VPS35L: variants seen among roughly 807,000 people sequenced by gnomAD.
The protein encoded by VPS35L is VPS35 endosomal protein-sorting factor-like.
A neutral mutation model predicts 133.0 loss-of-function variants in VPS35L; 83 were observed. The ratio of observed to expected loss-of-function variants is 0.62; its 90% CI spans 0.52 to 0.75. The LOEUF is 0.75. Ranked by LOEUF, VPS35L falls within the 30% of genes least tolerant of loss-of-function variation. VPS35L has a pLI of 0.00. For missense variants in VPS35L, 1,083 were observed against 1,206.8 expected (o/e 0.90, Z 1.52); for synonymous variants, 423 against 449.9 (o/e 0.94, Z 0.76).
intron 14 of VPS35L, chr16:19,618,166 C>G (rs1447190179): frequency 6.7e-6 from 1 of 149,244 alleles, no homozygotes; most frequent in Non-Finnish European, 1.5e-5. Context: ...TAAAGAGAGA[C>G]TACAAAACAA....
At chr16:19,618,120 T>G (rs1972957588) in intron 14 of VPS35L, 1 of 146,756 alleles carries the variant, frequency 6.8e-6, no homozygotes, top group South Asian at 2.1e-4. Context: ...CTGTGATAGA[T>G]GAAGCTTTCC....
At chr16:19,665,644 T>C (rs962464857) in intron 26 of VPS35L, among the ~76,000 whole-genome samples, 9 of 152,178 alleles carry the variant, frequency 5.9e-5, no homozygotes, top group Non-Finnish European at 1.3e-4. Context: ...CAAACAGGAG[T>C]GCAGATATCT....
intron 2 of VPS35L, 178 bp from the exon 3 acceptor site, chr16:19,569,246 G>A (rs747633786): frequency 1.2e-4 from 88 of 763,440 alleles, no homozygotes; most frequent in Non-Finnish European, 1.9e-4. Context: ...CTTGACAGTT[G>A]TGATCCTGAG....
At chr16:19,635,145 T>C (rs1420722482) in intron 19 of VPS35L, among the ~76,000 whole-genome samples, 1 of 151,872 alleles carries the variant, frequency 6.6e-6, no homozygotes, top group African/African-American at 2.4e-5. Context: ...TCGAGTCCAG[T>C]GTGGGCAACA....
At chr16:19,603,604 C>T (rs558933354) in intron 9 of VPS35L, among the ~76,000 whole-genome samples, 1 of 152,312 alleles carries the variant, frequency 6.6e-6, no homozygotes, top group East Asian at 1.9e-4. Flanking sequence ...TTTTCAGCAG[C>T]TCCTCCTATG....
intron 6 of VPS35L, 45 bp downstream of exon 6, chr16:19,579,173 C>T: frequency 1.9e-6 from 3 of 1,567,388 alleles, no homozygotes; most frequent in Non-Finnish European, 2.6e-6. Context: ...AGAGCTTTTC[C>T]TTCCTCCTGC....
At chr16:19,674,337 G>A (rs1475305794) in intron 27 of VPS35L, among the ~76,000 whole-genome samples, 1 of 149,762 alleles carries the variant, frequency 6.7e-6, no homozygotes, top group Non-Finnish European at 1.5e-5. Context: ...GACTACAGGC[G>A]CCCACCACCA....
At chr16:19,560,411 A>G (rs1258093174) in intron 1 of VPS35L, among the ~76,000 whole-genome samples, 1 of 152,210 alleles carries the variant, frequency 6.6e-6, no homozygotes, top group Non-Finnish European at 1.5e-5. Flanking sequence ...CAGAAAACAC[A>G]TTTGGAACAG....
chr16:19,620,950 C>T (rs1000601963), intron 14 of VPS35L, among the ~76,000 whole-genome samples: 1 of 149,764 alleles, frequency 6.7e-6, no homozygotes, highest in African/African-American at 2.5e-5. Flanking sequence ...GACTCTGTCT[C>T]AAAAAAGAAT....
At chr16:19,628,185 C>T (rs1973330151) in intron 16 of VPS35L, among the ~76,000 whole-genome samples, 1 of 152,052 alleles carries the variant, frequency 6.6e-6, no homozygotes, top group African/African-American at 2.4e-5. Context: ...GGCAACACAG[C>T]AAGACCCCAT....
chr16:19,666,872 T>TTTTCTTTCTTTC lies in VPS35L; in HGVS notation c.2222-2237_2222-2226dup, dbSNP rs551438290. On this transcript the variant is annotated intron_variant, in intron 26 of 30. Transcript: ENST00000417362. ...GTGGGTTCCATAAGTAGGGCCATGT[T>TTTTCTTTCTTTC]TTTCTTTCTTTCTTTCTTTCTTTCT... Among the ~76,000 whole-genome samples, 868 of 106,282 alleles carry TTTTCTTTCTTTC rather than the reference T, an allele frequency of 8.2e-3. 9 individuals are homozygous for TTTTCTTTCTTTC. The highest frequency in any genetic ancestry group is 9.2e-3 in the Admixed American group (92 of 9,958). 69.7% of individuals were successfully genotyped at this position (106,282 alleles called of 152,430 possible).
At chr16:19,686,719 C>T (rs1975473341) in intron 28 of VPS35L, among the ~76,000 whole-genome samples, 1 of 152,178 alleles carries the variant, frequency 6.6e-6, no homozygotes, top group South Asian at 2.1e-4. Flanking sequence ...ACTTTTAATT[C>T]TCAAATGCGC....
Position 19,616,190 on chromosome 16 carries a change from A to G in VPS35L, c.1100A>G (p.Gln367Arg). 6.2e-7 allele frequency: 1 copy of G among 1,605,774 alleles called. No individual in the cohort carries two copies. Among genetic ancestry groups the G allele is most frequent in the African/African-American group, 1.3e-5 (1 of 74,820 alleles). ...TTTGACTTCCTCCTTACGTTCAAAC[A>G]GGTAAGAGAACACTATCAGAATAGC... Reference protein sequence around the residue: ...NFFDFLLTFKQIHGDTVQNQL... With the variant: ...NFFDFLLTFKRIHGDTVQNQL... The change falls in exon 13 of 31, where the codon CAG becomes CGG. Residue 367 changes from glutamine to arginine, a missense_variant and splice_region_variant. By Grantham distance (43) the Gln-to-Arg change is conservative. Coordinates refer to ENST00000417362, the MANE Select transcript of VPS35L (RefSeq NM_020314.7).
intron 11 of VPS35L, 35 bp from the exon 12 acceptor site, chr16:19,610,287 C>T (rs377401921): frequency 5.8e-5 from 90 of 1,553,116 alleles, no homozygotes; most frequent in Non-Finnish European, 6.8e-5. Context: ...GTTCTCACGT[C>T]GAATATAATG....
At chr16:19,600,599 T>G (rs1473964645) in intron 8 of VPS35L, among the ~76,000 whole-genome samples, 3 of 152,182 alleles carry the variant, frequency 2.0e-5, no homozygotes, top group Admixed American at 6.6e-5. Context: ...ACCCCCTGTG[T>G]GCCAGGCACT....
At chr16:19,606,287 A>T (rs1401171839) in intron 9 of VPS35L, among the ~76,000 whole-genome samples, 1 of 152,216 alleles carries the variant, frequency 6.6e-6, no homozygotes, top group African/African-American at 2.4e-5. Context: ...AAGCCACAAG[A>T]TTCAGTCATA....
At chr16:19,700,081 A>T (rs1259691708) in intron 30 of VPS35L, among the ~76,000 whole-genome samples, 1 of 152,232 alleles carries the variant, frequency 6.6e-6, no homozygotes, top group African/African-American at 2.4e-5. Context: ...TGGGTGATAG[A>T]GCAGGACCTT....
chr16:19,666,996 T>C (rs55959440), intron 26 of VPS35L, among the ~76,000 whole-genome samples: 22,121 of 89,406 alleles, frequency 0.25, 2,569 homozygotes, highest in African/African-American at 0.32. Flanking sequence ...TTCTTTCTTT[T>C]TTTTTGAGAC....
At chr16:19,690,970 AAAAAG>A (rs988227379) in intron 28 of VPS35L, among the ~76,000 whole-genome samples, 34 of 152,160 alleles carry the variant, frequency 2.2e-4, no homozygotes, top group African/African-American at 3.4e-4. Flanking sequence ...TCAAAAAAAA[AAAAAG>A]AAAAGAAAAG....
Sources: gnomAD v4.1 joint callset for allele counts (sites outside exome capture counted in the v4.1 genomes callset) on GRCh38, gnomAD v4.1.1 for gene constraint, MANE v1.5 for transcripts, NCBI Gene and HGNC (gene_info 2026-07-23, HGNC 2026-07-21) for gene names.